TMED7: variants seen among roughly 807,000 people sequenced by gnomAD.
TMED7 encodes transmembrane emp24 domain-containing protein 7.
Under a neutral mutation model 23.4 loss-of-function variants are expected in TMED7, and 8 were observed. That is an observed-to-expected ratio of 0.34 (90% CI 0.20 to 0.62). The LOEUF is 0.62. TMED7 is among the 20% of genes least tolerant of loss of function. TMED7 has a pLI of 0.77. For synonymous variants in TMED7, 121 were observed against 108.5 expected, an observed-to-expected ratio of 1.12 and a Z score of -0.72; for missense variants, 232 against 279.1, an observed-to-expected ratio of 0.83 and a Z score of 1.20.
intron 2 of TMED7, among the ~76,000 whole-genome samples, chr5:115,619,875 A>G (rs1263831075): frequency 4.6e-5 from 7 of 152,152 alleles, no homozygotes; most frequent in Non-Finnish European, 1.0e-4. Context: ...CGCTTTCTCT[A>G]TGTCTCCAAA....
At chr5:115,618,580 C>T (rs1756888061) in intron 2 of TMED7, among the ~76,000 whole-genome samples, 1 of 152,064 alleles carries the variant, frequency 6.6e-6, no homozygotes, top group African/African-American at 2.4e-5. Context: ...CCATGTTATT[C>T]CTTTATCCTC....
At chr5:115,623,822 T>C (rs1757114801) in intron 1 of TMED7, among the ~76,000 whole-genome samples, 1 of 152,146 alleles carries the variant, frequency 6.6e-6, no homozygotes, top group South Asian at 2.1e-4. Flanking sequence ...TATTGTCACA[T>C]TTAACATTTT....
chr5:115,624,665 C>T (rs1310498229), intron 1 of TMED7, among the ~76,000 whole-genome samples: 1 of 152,216 alleles, frequency 6.6e-6, no homozygotes, highest in Non-Finnish European at 1.5e-5. Flanking sequence ...TATTCCCAAC[C>T]ATATTGGACC....
In TMED7 at chr5:115,624,115, C is replaced by T. The variant is rs562296293; in HGVS notation, c.192+1486G>A. Among the ~76,000 whole-genome samples, 6 of 152,266 alleles carry T rather than the reference C, an allele frequency of 3.9e-5. No homozygotes were observed. In the South Asian group the frequency reaches 1.2e-3, roughly 32 times the overall value. The stretch of plus-strand genomic sequence containing the variant: ...AATTTGTTAGCCATTGTAGTAGTAT[C>T]CTTAGCACTAATCACTGAGTCTGCA... On this transcript the variant is annotated intron_variant, in intron 1 of 2. Transcript: ENST00000456936.
intron 1 of TMED7, among the ~76,000 whole-genome samples, chr5:115,622,882 T>G (rs1757080755): frequency 6.6e-6 from 1 of 152,216 alleles, no homozygotes; most frequent in Admixed American, 6.5e-5. Context: ...TTGCTTTACA[T>G]CTGCACTGAC....
rs779516187 is a variant in TMED7, at chr5:115,625,789, G to A, written c.4C>T (p.Pro2Ser). M[P>S]RPGSAQRWAA... ...CAGCGCTGCGCGGACCCCGGCCGCG[G>A]CATCCCGAGAAGGCGGCGGCGGCCT... The change falls in exon 1 of 3, where the codon CCG becomes TCG. Residue 2 changes from proline to serine, a missense_variant. Coordinates refer to ENST00000456936, the MANE Select transcript of TMED7 (RefSeq NM_181836.6). The A allele has an allele frequency of 1.3e-5, 19 of 1,428,796 alleles. No individual in the cohort carries two copies. Among genetic ancestry groups the A allele is most frequent in the Non-Finnish European group, 1.7e-5 (19 of 1,095,612 alleles). 88.5% of individuals were successfully genotyped at this position (1,428,796 alleles called of 1,614,324 possible). A position where few individuals can be genotyped will look rare whatever the true frequency, so the allele number is the denominator to read the frequency against.
chr5:115,615,946 T>C lies in TMED7; in HGVS notation c.*263A>G, dbSNP rs945769064. 12 of 457,938 alleles carry C rather than the reference T, an allele frequency of 2.6e-5. No homozygotes were observed. In the Admixed American group the frequency reaches 4.4e-4, roughly 17 times the overall value. The allele number at this position is 457,938 out of a possible 1,614,324, so 28.4% of individuals were successfully genotyped here. On this transcript the variant is annotated 3_prime_UTR_variant, in exon 3 of 3. Transcript: ENST00000456936. ...CAAAGTTTAGTGTGCGAAGAGTAGA[T>C]ATAAACAACTGCGAACAGAGTAGAT...
chr5:115,622,479 CAG>C (rs1436346910), intron 1 of TMED7, among the ~76,000 whole-genome samples: 2 of 152,196 alleles, frequency 1.3e-5, no homozygotes, highest in Non-Finnish European at 2.9e-5. Flanking sequence ...CCCTCGAACT[CAG>C]GGTTTCTCAA....
intron 2 of TMED7, 39 bp from the exon 3 acceptor site, chr5:115,616,484 T>C (rs1756753524): frequency 6.2e-7 from 1 of 1,611,998 alleles, no homozygotes; most frequent in South Asian, 1.1e-5. Flanking sequence ...TGTGATACTT[T>C]CTGTAGACTT....
intron 2 of TMED7, among the ~76,000 whole-genome samples, chr5:115,618,461 G>A (rs77836686): frequency 3.1e-4 from 47 of 152,296 alleles, no homozygotes; most frequent in African/African-American, 1.1e-3. Flanking sequence ...TTTGGCTGAT[G>A]TAAGTGTTCA....
chr5:115,624,798 G>A (rs558954891), intron 1 of TMED7, among the ~76,000 whole-genome samples: 3 of 152,304 alleles, frequency 2.0e-5, no homozygotes, highest in African/African-American at 4.8e-5. Flanking sequence ...TCCAAAGGAA[G>A]TCTTCCTTCA....
chr5:115,616,947 C>A (rs1489439875), intron 2 of TMED7, among the ~76,000 whole-genome samples: 1 of 151,304 alleles, frequency 6.6e-6, no homozygotes, highest in East Asian at 1.9e-4. Context: ...ACATCAAAAT[C>A]GTTAGTAACT....
At chr5:115,618,283 T>C (rs1756869758) in intron 2 of TMED7, among the ~76,000 whole-genome samples, 1 of 152,240 alleles carries the variant, frequency 6.6e-6, no homozygotes. Flanking sequence ...AATACTTTTA[T>C]ACTTTATTTC....
intron 2 of TMED7, among the ~76,000 whole-genome samples, chr5:115,619,711 G>T (rs991454081): frequency 2.0e-5 from 3 of 152,092 alleles, no homozygotes; most frequent in African/African-American, 7.2e-5. Flanking sequence ...TGTGTCATGA[G>T]ATCAGATGTA....
intron 1 of TMED7, among the ~76,000 whole-genome samples, chr5:115,622,933 A>AC (rs1460011396): frequency 6.2e-4 from 95 of 152,236 alleles, no homozygotes; most frequent in African/African-American, 1.9e-3. Context: ...CACACGGATC[A>AC]AAATGACAGT....
Position 115,626,003 on chromosome 5 carries a change from C to A in TMED7, c.-211G>T, listed in dbSNP as rs1046248983. 1.4e-5 allele frequency: 8 copies of A among 571,554 alleles called. No individual in the cohort carries two copies. The highest frequency in any genetic ancestry group is 2.1e-5 in the Non-Finnish European group (8 of 382,128). 35.4% of individuals were successfully genotyped at this position (571,554 alleles called of 1,614,324 possible). A position where few individuals can be genotyped will look rare whatever the true frequency, so the allele number is the denominator to read the frequency against. On this transcript the variant is annotated 5_prime_UTR_variant, in exon 1 of 3. Transcript: ENST00000456936. ...CGGACCTGGGGAGGTAAAAGAGAAGCGGAAAAGGCCTGAGAGGGTCGGAAG... is the reference window on the plus strand; with the variant it reads ...CGGACCTGGGGAGGTAAAAGAGAAGAGGAAAAGGCCTGAGAGGGTCGGAAG...
At position 115,625,735 on chromosome 5, in the gene TMED7, T is replaced by C; in HGVS notation, c.58A>G (p.Arg20Gly). 1 of 1,575,082 alleles carries C rather than the reference T, an allele frequency of 6.3e-7. No individual in the cohort carries two copies. Among genetic ancestry groups the C allele is most frequent in the Non-Finnish European group, 8.6e-7 (1 of 1,163,300 alleles). ...WAAVAGRWGC[R>G]LLALLLLVPG... ...ACCAGTAGCAGCAGTGCGAGCAGCC[T>C]GCACCCCCAACGGCCCGCGACGGCC... The change falls in exon 1 of 3, where the codon AGG becomes GGG. Residue 20 changes from arginine (R) to glycine (G), a missense_variant. Arg to Gly is a moderately radical substitution (Grantham distance 125). Transcript: ENST00000456936.
intron 1 of TMED7, among the ~76,000 whole-genome samples, 191 bp downstream of exon 1, chr5:115,625,410 C>T (rs2112580915): frequency 6.6e-6 from 1 of 152,302 alleles, no homozygotes; most frequent in South Asian, 2.1e-4. Flanking sequence ...TATATTTTAA[C>T]ACCCGGTCTT....
chr5:115,619,286 G>C (rs1029363666), intron 2 of TMED7: 6 of 152,126 alleles, frequency 3.9e-5, no homozygotes, highest in African/African-American at 1.2e-4. Context: ...CTAAAATTAA[G>C]AGTATTTGAA....
Sources: gnomAD v4.1 joint callset for allele counts (sites outside exome capture counted in the v4.1 genomes callset) on GRCh38, gnomAD v4.1.1 for gene constraint, MANE v1.5 for transcripts, NCBI Gene and HGNC (gene_info 2026-07-23, HGNC 2026-07-21) for gene names.